Variants in MGAM observed in about 807,000 individuals in gnomAD.
The protein encoded by MGAM is alpha-1,4-glucosidase.
MGAM carries 253 observed loss-of-function variants against 358.8 expected under a neutral mutation model. That is an observed-to-expected ratio of 0.71 (90% CI 0.64 to 0.78). The LOEUF (loss-of-function observed/expected upper bound fraction) is 0.78, where lower values mean the gene tolerates loss of function less well. Among genes scored for constraint, MGAM ranks in the 30% least tolerant of loss-of-function variants. The pLI is 0.00. For missense variants in MGAM, 3,080 were observed against 3,432.6 expected (o/e 0.90, Z 2.57); for synonymous variants, 1,105 against 1,227.1 (o/e 0.90, Z 2.08).
chr7:141,999,421 C>T (rs954811345), intron 1 of MGAM, among the ~76,000 whole-genome samples: 1 of 152,158 alleles, frequency 6.6e-6, no homozygotes, highest in Non-Finnish European at 1.5e-5. Flanking sequence ...GGTTAAAAGC[C>T]ATGGCTGTGG....
chr7:142,030,817 TC>T (rs1807418576), intron 12 of MGAM, 60 bp downstream of exon 12: 2 of 969,040 alleles, frequency 2.1e-6, no homozygotes, highest in Non-Finnish European at 3.2e-6. Flanking sequence ...TTTGAATGTG[TC>T]TGTGTGTGTG....
rs766071856 is a variant in MGAM, at chr7:142,082,024, T to A, written c.6003-18T>A. 1.9e-6 allele frequency: 3 copies of A among 1,552,910 alleles called. 1 individual carries two copies. Among genetic ancestry groups the A allele is most frequent in the Non-Finnish European group, 2.7e-6 (3 of 1,130,688 alleles). On this transcript the variant is annotated intron_variant, in intron 50 of 70. Transcript: ENST00000475668. ...AAAAGCCCATTTTCTGTTTCAAATC[T>A]GCCTTTTTGTGTTTCAGTTGGGACT...
chr7:142,098,574 T>C lies in MGAM; in HGVS notation c.7749+925T>C, dbSNP rs147720158. ...TTTTGTTCCTTCTCTTCTCAGTCCATTGGAGCCCAAGTCCTCTCCACAGCC... is the reference window on the plus strand; with the variant it reads ...TTTTGTTCCTTCTCTTCTCAGTCCACTGGAGCCCAAGTCCTCTCCACAGCC... On this transcript the variant is annotated intron_variant, in intron 66 of 70. Coordinates refer to ENST00000475668, the MANE Select transcript of MGAM (RefSeq NM_001365693.1). Among the ~76,000 whole-genome samples, 238 of 152,254 alleles carry C rather than the reference T, an allele frequency of 1.6e-3. 8 individuals carry two copies. The East Asian group carries it at 0.033, about 21-fold the overall frequency.
rs1250103767 is a variant in MGAM at position 142,032,836 on chromosome 7, A to G, written c.1596A>G (p.Glu532=). The change falls in exon 14 of 71, where the codon GAA becomes GAG. Residue 532 remains glutamate (E), a synonymous_variant. Transcript: ENST00000475668. ...TCTTTGTCTTGTAGGATATGAATGA[A>G]GTCTCCAACTTTGTTGATGGTTCGG... is the stretch of plus-strand genomic sequence containing the variant. ...EFDGIWIDMN[E]VSNFVDGSVS... 1.2e-6 allele frequency: 2 copies of G among 1,608,822 alleles called. No homozygotes were observed. Among genetic ancestry groups the G allele is most frequent in the Admixed American group, 3.4e-5 (2 of 59,684 alleles).
At chr7:142,065,668 T>A in intron 39 of MGAM, 46 bp downstream of exon 39, 1 of 1,611,680 alleles carries the variant, frequency 6.2e-7, no homozygotes, top group Non-Finnish European at 8.5e-7. Context: ...GGTGGGGACA[T>A]CTTTCAGAAA....
chr7:142,040,999 G>T lies in MGAM; in HGVS notation c.2498+153G>T, dbSNP rs547221007. On this transcript the variant is annotated intron_variant, in intron 21 of 70. Coordinates refer to ENST00000475668, the MANE Select transcript of MGAM (RefSeq NM_001365693.1). Reference sequence around the variant, plus strand: ...GCACCAAAAGTCTCTTCCCTTGGGAGGCTTTTCAATTCTGGGCAAACCAGG... The same window carrying T: ...GCACCAAAAGTCTCTTCCCTTGGGATGCTTTTCAATTCTGGGCAAACCAGG... Among the ~76,000 whole-genome samples the T allele has an allele frequency of 3.3e-5, 5 of 152,252 alleles. No individual in the cohort carries two copies. The South Asian group carries it at 1.0e-3, about 31-fold the overall frequency.
At chr7:142,044,483 A>G (rs1167429242) in intron 21 of MGAM, among the ~76,000 whole-genome samples, 1 of 135,396 alleles carries the variant, frequency 7.4e-6, no homozygotes, top group African/African-American at 2.6e-5. Flanking sequence ...TATAATGTAT[A>G]TTATATACAC....
intron 68 of MGAM, among the ~76,000 whole-genome samples, chr7:142,102,304 G>T (rs1322373229): frequency 6.6e-6 from 1 of 152,184 alleles, no homozygotes; most frequent in South Asian, 2.1e-4. Flanking sequence ...AAGATGCTGG[G>T]ATGGTAGACC....
upstream of MGAM, among the ~76,000 whole-genome samples, chr7:141,991,164 A>T (rs557019145): frequency 6.6e-6 from 1 of 152,318 alleles, no homozygotes; most frequent in East Asian, 1.9e-4. Flanking sequence ...TAGCGTAGTT[A>T]CCAGGAGGAA....
At position 142,060,219 on chromosome 7, in the gene MGAM, C is replaced by T. The variant is rs1386085341; in HGVS notation, c.4060-92C>T. The T allele has an allele frequency of 1.5e-5, 23 of 1,532,274 alleles. No individual in the cohort carries two copies. The South Asian group carries it at 2.2e-4, about 14-fold the overall frequency. 94.9% of individuals were successfully genotyped at this position (1,532,274 alleles called of 1,614,324 possible). A position where few individuals can be genotyped will look rare whatever the true frequency, so the allele number is the denominator to read the frequency against. ...TGTGATAGTCAAAGTATTATTGCTC[C>T]TAGGAGCACGGTTTGTATAACAATT... On this transcript the variant is annotated intron_variant, in intron 33 of 70. Coordinates refer to ENST00000475668, the MANE Select transcript of MGAM (RefSeq NM_001365693.1).
upstream of MGAM, among the ~76,000 whole-genome samples, chr7:141,991,522 C>T (rs569111810): frequency 1.1e-3 from 166 of 151,916 alleles, 1 homozygote; most frequent in South Asian, 0.023. Context: ...CTGCACCCTC[C>T]GCCTCCCAGG....
At chr7:142,047,733 T>C in intron 21 of MGAM, 52 bp from the exon 22 acceptor site, 1 of 1,519,188 alleles carries the variant, frequency 6.6e-7, no homozygotes, top group Admixed American at 1.7e-5. Flanking sequence ...TCAGCTCGGC[T>C]GGCAAAATTC....
intron 63 of MGAM, 57 bp from the exon 64 acceptor site, chr7:142,095,508 T>C: frequency 1.2e-6 from 2 of 1,609,942 alleles, no homozygotes; most frequent in Non-Finnish European, 1.7e-6. Flanking sequence ...AGTGACCTTC[T>C]TAAATCCCCT....
rs79186318 is a variant in MGAM at position 142,089,792 on chromosome 7, A to G, written c.6811-2121A>G. Among the ~76,000 whole-genome samples the G allele has an allele frequency of 2.1e-5, 3 of 144,978 alleles. 1 individual carries two copies. The highest frequency in any genetic ancestry group is 4.7e-5 in the Non-Finnish European group (3 of 64,032). On this transcript the variant is annotated intron_variant, in intron 57 of 70. Transcript: ENST00000475668. ...ACACAGCGAGACTCCGTCTCAGAAG[A>G]AAAAAAAAGGAAGGAAAGTTATTAA... is the stretch of plus-strand genomic sequence containing the variant.
In MGAM at chr7:142,093,570, C is replaced by T. The variant is rs764491623; in HGVS notation, c.7172+20C>T. The stretch of plus-strand genomic sequence containing the variant: ...ATACGAGTGAGTCTCTGTCTCCCTT[C>T]TCCAGCTGTCACAACCTGTAGGGAT... On this transcript the variant is annotated intron_variant, in intron 60 of 70. Transcript: ENST00000475668. 2 of 1,492,942 alleles carry T rather than the reference C, an allele frequency of 1.3e-6. No homozygotes were observed. 92.5% of individuals were successfully genotyped at this position (1,492,942 alleles called of 1,614,324 possible).
rs1563214370 is a variant in MGAM at position 142,088,800 on chromosome 7, TCATTCTATC to T, written c.6810+2085_6810+2093del. Among the ~76,000 whole-genome samples the T allele has an allele frequency of 4.8e-5, 6 of 123,834 alleles. 1 individual carries two copies. The highest frequency in any genetic ancestry group is 5.5e-5 in the Non-Finnish European group (3 of 54,806). The allele number at this position is 123,834 out of a possible 152,430, so 81.2% of individuals were successfully genotyped here. A position where few individuals can be genotyped will look rare whatever the true frequency, so the allele number is the denominator to read the frequency against. On this transcript the variant is annotated intron_variant, in intron 57 of 70. Coordinates refer to ENST00000475668, the MANE Select transcript of MGAM (RefSeq NM_001365693.1). ...ATCTATCTATCTATCTATCTATCTA[TCATTCTATC>T]CTATCTATGTACCATCTATCTATCT...
intron 68 of MGAM, 123 bp from the exon 69 acceptor site, chr7:142,102,507 C>A: frequency 1.1e-6 from 1 of 912,370 alleles, no homozygotes; most frequent in Non-Finnish European, 1.6e-6. Flanking sequence ...GAAATAAAAA[C>A]AAAGATAAGC....
chr7:141,994,920 T>C (rs191710926), upstream of MGAM, among the ~76,000 whole-genome samples: 3 of 152,342 alleles, frequency 2.0e-5, no homozygotes, highest in East Asian at 1.9e-4. Flanking sequence ...GTCTCAGGCA[T>C]GTCTTTATAG....
chr7:142,025,919 C>T (rs1198082112), intron 8 of MGAM, among the ~76,000 whole-genome samples: 4 of 152,008 alleles, frequency 2.6e-5, no homozygotes, highest in Admixed American at 2.0e-4. Flanking sequence ...TCCTAAGGTA[C>T]TTAAAATACC....
Sources: allele counts gnomAD v4.1 joint callset (sites outside exome capture counted in the v4.1 genomes callset), GRCh38; gene constraint gnomAD v4.1.1; transcripts MANE v1.5; gene names NCBI Gene and HGNC (gene_info 2026-07-23, HGNC 2026-07-21).